The following SMAP1 variants were observed in gnomAD, a reference collection of about 807,000 sequenced individuals.
SMAP1 encodes the protein stromal membrane-associated protein 1.
In SMAP1, 24 loss-of-function variants were observed where a neutral mutation model predicts 58.5. The ratio of observed to expected loss-of-function variants is 0.41; its 90% CI spans 0.30 to 0.58. SMAP1 has a LOEUF of 0.58. Ranked by LOEUF, SMAP1 falls within the 20% of genes least tolerant of loss-of-function variation. SMAP1 has a pLI of 0.29. For missense variants in SMAP1, 563 were observed against 566.3 expected, an observed-to-expected ratio of 0.99 and a Z score of 0.06; for synonymous variants, 216 against 196.6, an observed-to-expected ratio of 1.10 and a Z score of -0.82.
intron 3 of SMAP1, among the ~76,000 whole-genome samples, chr6:70,772,717 C>G (rs1322968429): frequency 6.6e-6 from 1 of 152,194 alleles, no homozygotes; most frequent in Non-Finnish European, 1.5e-5. Context: ...GCTTTATCAT[C>G]TTGACTTTTC....
At chr6:70,789,592 C>CTTT (rs200041762) in intron 4 of SMAP1, among the ~76,000 whole-genome samples, 1 of 135,694 alleles carries the variant, frequency 7.4e-6, no homozygotes. Flanking sequence ...TTTCTTTTTT[C>CTTT]TTTTTTTTTT....
At chr6:70,784,261 T>C (rs1767900620) in intron 4 of SMAP1, among the ~76,000 whole-genome samples, 1 of 151,978 alleles carries the variant, frequency 6.6e-6, no homozygotes. Context: ...CTGAGAGATT[T>C]TGTCACCACC....
At chr6:70,758,837 T>G (rs1008452853) in intron 3 of SMAP1, among the ~76,000 whole-genome samples, 2 of 152,200 alleles carry the variant, frequency 1.3e-5, no homozygotes, top group African/African-American at 4.8e-5. Flanking sequence ...CCATAAAGCT[T>G]ATTCACTGGG....
chr6:70,810,179 T>A (rs1769325896), intron 6 of SMAP1, among the ~76,000 whole-genome samples: 1 of 152,172 alleles, frequency 6.6e-6, no homozygotes, highest in African/African-American at 2.4e-5. Flanking sequence ...CTTTCTTTTC[T>A]TTTTCTTGAG....
At chr6:70,767,064 C>T (rs1309190514) in intron 3 of SMAP1, among the ~76,000 whole-genome samples, 82 of 151,104 alleles carry the variant, frequency 5.4e-4, no homozygotes, top group Non-Finnish European at 8.3e-4. Flanking sequence ...TGTAGATATG[C>T]GGCGTTATTT....
intron 6 of SMAP1, among the ~76,000 whole-genome samples, chr6:70,825,597 T>C (rs1476784702): frequency 6.6e-6 from 1 of 152,148 alleles, no homozygotes; most frequent in Non-Finnish European, 1.5e-5. Context: ...TTGTGTGCAA[T>C]CCATAGAGTC....
intron 7 of SMAP1, among the ~76,000 whole-genome samples, chr6:70,843,762 C>A (rs1417137213): frequency 6.6e-6 from 1 of 152,102 alleles, no homozygotes; most frequent in East Asian, 1.9e-4. Flanking sequence ...GCAGCTTCGT[C>A]TGGGAAATGG....
intron 1 of SMAP1, among the ~76,000 whole-genome samples, chr6:70,680,279 C>A (rs971986422): frequency 2.6e-5 from 4 of 152,150 alleles, no homozygotes; most frequent in Non-Finnish European, 5.9e-5. Context: ...TTGAATTAAG[C>A]AGAGGATTCT....
At chr6:70,770,989 T>C (rs955971413) in intron 3 of SMAP1, among the ~76,000 whole-genome samples, 3 of 152,180 alleles carry the variant, frequency 2.0e-5, no homozygotes, top group Non-Finnish European at 2.9e-5. Context: ...CAGCTTCAGG[T>C]CTGTTGGAGT....
intron 1 of SMAP1, among the ~76,000 whole-genome samples, chr6:70,719,656 A>G (rs1369805578): frequency 6.6e-6 from 1 of 152,156 alleles, no homozygotes; most frequent in African/African-American, 2.4e-5. Flanking sequence ...CTGGACTTAC[A>G]GTTCATATGG....
chr6:70,773,574 T>C lies in SMAP1; in HGVS notation c.414+149T>C, dbSNP rs544313885. The C allele has an allele frequency of 5.9e-6, 3 of 506,152 alleles. No individual in the cohort carries two copies. The African/African-American group carries it at 6.0e-5, about 10-fold the overall frequency. The allele number at this position is 506,152 out of a possible 1,614,324, so 31.4% of individuals were successfully genotyped here. Reference sequence around the variant, plus strand: ...TGGAACTTTTTTGGTTATATAATGTTGAGCTCTTGCAGAGCAGAAGTCTTG... The same window carrying C: ...TGGAACTTTTTTGGTTATATAATGTCGAGCTCTTGCAGAGCAGAAGTCTTG... On this transcript the variant is annotated intron_variant, in intron 4 of 10. Coordinates refer to ENST00000370455, the MANE Select transcript of SMAP1 (RefSeq NM_001044305.3).
chr6:70,791,731 C>T lies in SMAP1; in HGVS notation c.457C>T (p.Pro153Ser), dbSNP rs1228872092. The change falls in exon 5 of 11, where the codon CCT becomes TCT. Residue 153 changes from proline to serine, a missense_variant. Pro to Ser is a moderately conservative substitution (Grantham distance 74). Transcript: ENST00000370455. Reference protein sequence around the residue: ...DAPLQPLVSSPSLQAAVDKNK... With the variant: ...DAPLQPLVSSSSLQAAVDKNK... The stretch of plus-strand genomic sequence containing the variant: ...TCCTCTTCAGCCTTTGGTATCCTCT[C>T]CTTCTCTGCAAGCTGCTGTTGACAA... 2 of 1,613,364 alleles carry T rather than the reference C, an allele frequency of 1.2e-6. No homozygotes were observed. The highest frequency in any genetic ancestry group is 2.7e-5 in the African/African-American group (2 of 74,860).
rs111234332 is a variant in SMAP1 at position 70,837,685 on chromosome 6, T to G, written c.664+657T>G. 103 of 620,172 alleles carry G rather than the reference T, an allele frequency of 1.7e-4. 2 individuals are homozygous for G. In the African/African-American group the frequency reaches 1.8e-3, roughly 11 times the overall value. 38.4% of individuals were successfully genotyped at this position (620,172 alleles called of 1,614,324 possible). ...CTCTCTCTCTTTTTTTTTTTTTACA[T>G]TTTTTTCTTCTAAAAGAATTGGCTT... On this transcript the variant is annotated intron_variant, in intron 7 of 10. Transcript: ENST00000370455.
intron 3 of SMAP1, among the ~76,000 whole-genome samples, chr6:70,764,016 G>A (rs148283406): frequency 2.1e-3 from 321 of 152,104 alleles, no homozygotes; most frequent in African/African-American, 7.4e-3. Flanking sequence ...GGGCTCAAGC[G>A]ATCGTTCTGC....
chr6:70,707,803 C>T (rs1767897478), intron 1 of SMAP1, among the ~76,000 whole-genome samples: 1 of 152,108 alleles, frequency 6.6e-6, no homozygotes, highest in Non-Finnish European at 1.5e-5. Context: ...TGGGGTTTCA[C>T]TATGTCTACA....
chr6:70,806,694 T>C (rs1269497550), intron 6 of SMAP1, among the ~76,000 whole-genome samples: 1 of 152,228 alleles, frequency 6.6e-6, no homozygotes, highest in African/African-American at 2.4e-5. Flanking sequence ...AATTAGTTTT[T>C]TCAAGTCAAA....
At chr6:70,752,380 G>A (rs1766316075) in intron 2 of SMAP1, among the ~76,000 whole-genome samples, 1 of 152,154 alleles carries the variant, frequency 6.6e-6, no homozygotes, top group African/African-American at 2.4e-5. Flanking sequence ...GAATTATGGA[G>A]ACTGATAGAA....
At chr6:70,789,396 T>G (rs1768237435) in intron 4 of SMAP1, among the ~76,000 whole-genome samples, 1 of 149,808 alleles carries the variant, frequency 6.7e-6, no homozygotes, top group Non-Finnish European at 1.5e-5. Flanking sequence ...CCATAGATTA[T>G]ATTTTCTTTT....
At chr6:70,742,339 A>G (rs1281215277) in intron 2 of SMAP1, among the ~76,000 whole-genome samples, 1 of 152,192 alleles carries the variant, frequency 6.6e-6, no homozygotes, top group Non-Finnish European at 1.5e-5. Context: ...CTTCTGCCAG[A>G]TACCCTAAGT....
Sources: allele counts gnomAD v4.1 joint callset (sites outside exome capture counted in the v4.1 genomes callset), GRCh38; gene constraint gnomAD v4.1.1; transcripts MANE v1.5; gene names NCBI Gene and HGNC (gene_info 2026-07-23, HGNC 2026-07-21).